TCP1: variants seen among roughly 807,000 people sequenced by gnomAD.
TCP1 encodes t-complex 1.
Under a neutral mutation model 54.7 loss-of-function variants are expected in TCP1, and 6 were observed. That is an observed-to-expected ratio of 0.11 (90% CI 0.06 to 0.22). The LOEUF (loss-of-function observed/expected upper bound fraction) is 0.22. Among genes scored for constraint, TCP1 ranks in the 10% least tolerant of loss-of-function variants. The pLI, the probability that TCP1 is intolerant of heterozygous loss-of-function variation, is 1.00. For missense variants in TCP1, 511 were observed against 678.2 expected, an observed-to-expected ratio of 0.75 and a Z score of 2.74; for synonymous variants, 225 against 229.7, an observed-to-expected ratio of 0.98 and a Z score of 0.19.
intron 7 of TCP1, among the ~76,000 whole-genome samples, chr6:159,783,113 A>T (rs1380130310): frequency 1.3e-5 from 2 of 152,226 alleles, no homozygotes; most frequent in Admixed American, 1.3e-4. Context: ...CTTGAAGGAC[A>T]AAAGAGCCAC....
rs759866577 is a variant in TCP1, at chr6:159,778,811, G to C, written c.*234C>G. 2 of 1,614,062 alleles carry C rather than the reference G, an allele frequency of 1.2e-6. No individual in the cohort carries two copies. The highest frequency in any genetic ancestry group is 1.7e-5 in the Admixed American group (1 of 60,000). ...TTGGGGGTGGGATGGGAATAGCAAT[G>C]TGTGTTCAGAGAGAATGAATTGCTT... On this transcript the variant is annotated 3_prime_UTR_variant, in exon 12 of 12. Transcript: ENST00000321394.
intron 7 of TCP1, among the ~76,000 whole-genome samples, chr6:159,783,151 A>T (rs542243739): frequency 1.3e-5 from 2 of 152,236 alleles, no homozygotes; most frequent in African/African-American, 4.8e-5. Context: ...GAGCATAATT[A>T]GTTGAAGATG....
At chr6:159,784,107 T>C (rs747952502) in intron 6 of TCP1, 40 bp from the exon 7 acceptor site, 2 of 1,593,222 alleles carry the variant, frequency 1.3e-6, no homozygotes, top group East Asian at 2.2e-5. Context: ...CGTCTATCCT[T>C]AAAAGCATAA....
intron 3 of TCP1, 54 bp from the exon 4 acceptor site, chr6:159,786,051 T>G (rs1780688890): frequency 1.4e-5 from 19 of 1,401,882 alleles, no homozygotes; most frequent in Non-Finnish European, 1.8e-5. Context: ...ACATGTGCAA[T>G]ACATATGGAA....
At chr6:159,780,842 A>T in intron 8 of TCP1, 93 bp downstream of exon 8, 1 of 1,413,524 alleles carries the variant, frequency 7.1e-7, no homozygotes, top group Admixed American at 2.5e-5. Context: ...AATGTTTTTG[A>T]GCTGTTTTCT....
chr6:159,784,026 C>A lies in TCP1; in HGVS notation c.712G>T (p.Asp238Tyr). 6.2e-7 allele frequency: 1 copy of A among 1,613,738 alleles called. No individual in the cohort carries two copies. The highest frequency in any genetic ancestry group is 1.1e-5 in the South Asian group (1 of 91,026). The change falls in exon 7 of 12, where the codon GAC becomes TAC. Residue 238 changes from aspartate (D) to tyrosine (Y), a missense_variant. Physicochemically the swap from Asp to Tyr is radical, Grantham distance 160. Coordinates refer to ENST00000321394, the MANE Select transcript of TCP1 (RefSeq NM_030752.3). ...RIVNAKIACLDFSLQKTKMKL... is the reference protein window; with the variant it reads ...RIVNAKIACLYFSLQKTKMKL... ...ATTTTTGTTTTTTGCAGGCTGAAGTCAAGGCAAGCAATTTTTGCATTTACG... is the reference window on the plus strand; with the variant it reads ...ATTTTTGTTTTTTGCAGGCTGAAGTAAAGGCAAGCAATTTTTGCATTTACG...
chr6:159,785,466 T>G lies in TCP1; in HGVS notation c.408A>C (p.Leu136=), dbSNP rs1430038672. ...TTCCCAGTTCATCTGTGTTAACAAT[T>G]AGGTTTTCATTGATATAACGCACTG... ...KEAVRYINEN[L]IVNTDELGRD... The change falls in exon 5 of 12, where the codon CTA becomes CTC. Residue 136 remains leucine (L), a synonymous_variant. Transcript: ENST00000321394. 3 of 1,613,862 alleles carry G rather than the reference T, an allele frequency of 1.9e-6. No homozygotes were observed. Among genetic ancestry groups the G allele is most frequent in the Non-Finnish European group, 2.5e-6 (3 of 1,179,976 alleles).
At chr6:159,788,346 G>T (rs988691454) in intron 1 of TCP1, 2 of 511,866 alleles carry the variant, frequency 3.9e-6, no homozygotes, top group East Asian at 6.8e-5. Context: ...TCCCAACACT[G>T]CGAGGCCGAG....
intron 4 of TCP1, 105 bp downstream of exon 4, chr6:159,785,795 T>C (rs1780683607): frequency 5.2e-6 from 5 of 956,910 alleles, no homozygotes; most frequent in African/African-American, 3.3e-5. Context: ...AACATTTAAA[T>C]TGAAGGTTTT....
At chr6:159,780,223 A>C (rs757128845) in intron 9 of TCP1, 136 bp from the exon 10 acceptor site, 19 of 1,247,036 alleles carry the variant, frequency 1.5e-5, no homozygotes, top group Admixed American at 3.4e-5. Context: ...CTGCCTACAC[A>C]GGATATTTAG....
chr6:159,787,601 T>G (rs983506727), intron 3 of TCP1, 142 bp downstream of exon 3: 4 of 1,132,642 alleles, frequency 3.5e-6, no homozygotes, highest in Non-Finnish European at 5.0e-6. Flanking sequence ...ACTTCTTTTG[T>G]TTTTTCTTCT....
chr6:159,780,398 TAAC>T (rs748079261), intron 9 of TCP1, 42 bp downstream of exon 9: 9 of 1,612,682 alleles, frequency 5.6e-6, no homozygotes, highest in South Asian at 1.1e-5. Flanking sequence ...TACTTTTACT[TAAC>T]AAAATCGGTA....
chr6:159,778,846 A>G lies in TCP1; in HGVS notation c.*199T>C. On this transcript the variant is annotated 3_prime_UTR_variant, in exon 12 of 12. Transcript: ENST00000321394. ...AGAGAATGAATTGCTTAAACTTTGAACAACCTCAATTTCTTTTTAAACTAA... is the reference window on the plus strand; with the variant it reads ...AGAGAATGAATTGCTTAAACTTTGAGCAACCTCAATTTCTTTTTAAACTAA... 1 of 1,613,894 alleles carries G rather than the reference A, an allele frequency of 6.2e-7. No individual in the cohort carries two copies. Among genetic ancestry groups the G allele is most frequent in the Non-Finnish European group, 8.5e-7 (1 of 1,179,818 alleles).
In TCP1 at chr6:159,785,396, T is replaced by C. The variant is rs139652548; in HGVS notation, c.478A>G (p.Ile160Val). The C allele has an allele frequency of 9.1e-5, 147 of 1,609,424 alleles. 1 individual carries two copies. The highest frequency in any genetic ancestry group is 6.2e-4 in the Middle Eastern group (3 of 4,818). ...NAAKTSMSSK[I>V]IGINGDFFAN... ...CAACCACAAGGATACATTCCAATGA[T>C]TTTGGAAGACATGGATGTCTTAGCA... Residue 160 changes from isoleucine to valine, a missense_variant, in exon 5 of 12, where the codon ATC becomes GTC. By Grantham distance (29) the Ile-to-Val change is conservative (BLOSUM62 3). Transcript: ENST00000321394.
chr6:159,778,591 G>T lies in TCP1; in HGVS notation c.*454C>A. 1 of 1,538,140 alleles carries T rather than the reference G, an allele frequency of 6.5e-7. No individual in the cohort carries two copies. Reference sequence around the variant, plus strand: ...CATGCTGATACATTAAGAGGAAAAAGACAAGTTTAAGATTTTAAACTGTGT... The same window carrying T: ...CATGCTGATACATTAAGAGGAAAAATACAAGTTTAAGATTTTAAACTGTGT... On this transcript the variant is annotated 3_prime_UTR_variant, in exon 12 of 12. Transcript: ENST00000321394.
chr6:159,788,191 A>T, intron 1 of TCP1, 48 bp from the exon 2 acceptor site: 1 of 1,550,956 alleles, frequency 6.4e-7, no homozygotes, highest in Non-Finnish European at 8.9e-7. Flanking sequence ...ATAAGCCACA[A>T]CTCTGAAAGA....
intron 1 of TCP1, chr6:159,789,070 A>C: frequency 2.9e-6 from 1 of 345,340 alleles, no homozygotes; most frequent in Non-Finnish European, 5.4e-6. Flanking sequence ...GGTCGCCCTG[A>C]AACAAAAGGG....
intron 11 of TCP1, 29 bp downstream of exon 11, chr6:159,779,598 G>A (rs1008136304): frequency 6.3e-6 from 10 of 1,581,486 alleles, no homozygotes; most frequent in Non-Finnish European, 8.6e-6. Flanking sequence ...TTCTGCAGAG[G>A]TTAACAAAGA....
rs573635542 is a variant in TCP1 at position 159,788,998 on chromosome 6, C to T, written c.64+407G>A. 3.1e-3 allele frequency: 539 copies of T among 175,670 alleles called. 6 individuals are homozygous for T. The highest frequency in any genetic ancestry group is 0.012 in the African/African-American group (505 of 42,148). 10.9% of individuals were successfully genotyped at this position (175,670 alleles called of 1,614,324 possible). ...CTCATCCGAGGGCGCGCGGATGGAC[C>T]TACTCTTTTTCTGGTAAATGGTCCT... On this transcript the variant is annotated intron_variant, in intron 1 of 11. Transcript: ENST00000321394.
Sources: allele counts gnomAD v4.1 joint callset (sites outside exome capture counted in the v4.1 genomes callset), GRCh38; gene constraint gnomAD v4.1.1; transcripts MANE v1.5; gene names NCBI Gene and HGNC (gene_info 2026-07-23, HGNC 2026-07-21).